ATP6V0D2: variants seen among roughly 807,000 people sequenced by gnomAD.
The protein encoded by ATP6V0D2 is V-type proton ATPase subunit d 2.
ATP6V0D2 carries 40 observed loss-of-function variants against 40.0 expected under a neutral mutation model. The ratio of observed to expected loss-of-function variants is 1.00; its 90% confidence interval spans 0.78 to 1.30. The LOEUF (loss-of-function observed/expected upper bound fraction) is 1.30, where lower values mean the gene tolerates loss of function less well. Ranked by LOEUF, ATP6V0D2 falls within the 50% of genes most tolerant of loss-of-function variation. The pLI is 0.00. For missense variants in ATP6V0D2, 470 were observed against 423.1 expected (o/e 1.11, Z -0.97); for synonymous variants, 179 against 156.3 (o/e 1.15, Z -1.08).
At chr8:86,104,880 T>C (rs1347544132) in intron 1 of ATP6V0D2, among the ~76,000 whole-genome samples, 6 of 71,622 alleles carry the variant, frequency 8.4e-5, no homozygotes, top group East Asian at 9.5e-4. Context: ...CACACACACA[T>C]CAAGAGCTTC....
chr8:86,120,485 G>A (rs1255688690), intron 2 of ATP6V0D2, among the ~76,000 whole-genome samples: 5 of 152,166 alleles, frequency 3.3e-5, no homozygotes, highest in Non-Finnish European at 4.4e-5. Context: ...TCAGGAGGCT[G>A]AGGCAGGAGG....
At chr8:86,102,011 T>C (rs1368078276) in intron 1 of ATP6V0D2, among the ~76,000 whole-genome samples, 1 of 152,232 alleles carries the variant, frequency 6.6e-6, no homozygotes, top group Admixed American at 6.5e-5. Context: ...TGTCCTCTGT[T>C]AGTTGAGGAC....
intron 1 of ATP6V0D2, among the ~76,000 whole-genome samples, chr8:86,109,568 GA>G (rs1490005736): frequency 2.6e-5 from 4 of 152,132 alleles, no homozygotes; most frequent in African/African-American, 9.7e-5. Flanking sequence ...TGAAAGGTTT[GA>G]AAGTTATTTA....
rs138989550 is a variant in ATP6V0D2, at chr8:86,145,797, T to C, written c.639+2843T>C. 1.3e-3 allele frequency among the ~76,000 whole-genome samples: 199 copies of C among 152,334 alleles called. 4 individuals carry two copies. The highest frequency in any genetic ancestry group is 4.6e-3 in the African/African-American group (191 of 41,580). On this transcript the variant is annotated intron_variant, in intron 5 of 7. Coordinates refer to ENST00000285393, the MANE Select transcript of ATP6V0D2 (RefSeq NM_152565.1). ...TTGCTTACTTTATACCCATGAAATATGTGAAATAAAAGTTATATCAAGACT... is the reference window on the plus strand; with the variant it reads ...TTGCTTACTTTATACCCATGAAATACGTGAAATAAAAGTTATATCAAGACT...
intron 5 of ATP6V0D2, among the ~76,000 whole-genome samples, chr8:86,143,692 T>G (rs1819008489): frequency 6.6e-6 from 1 of 152,184 alleles, no homozygotes; most frequent in Admixed American, 6.5e-5. Flanking sequence ...GACCTGTATC[T>G]TGTGCTAACC....
intron 5 of ATP6V0D2, among the ~76,000 whole-genome samples, chr8:86,145,482 T>A (rs1304842944): frequency 6.6e-6 from 1 of 152,136 alleles, no homozygotes; most frequent in Non-Finnish European, 1.5e-5. Context: ...AGTTGTGAAG[T>A]GAAAATCTTA....
chr8:86,148,370 A>C (rs998648209), intron 5 of ATP6V0D2, among the ~76,000 whole-genome samples: 4 of 152,178 alleles, frequency 2.6e-5, no homozygotes, highest in African/African-American at 9.7e-5. Context: ...AGAGCAATCA[A>C]CAGGGTCAGA....
At chr8:86,117,380 T>C (rs1202130004) in intron 2 of ATP6V0D2, among the ~76,000 whole-genome samples, 1 of 152,232 alleles carries the variant, frequency 6.6e-6, no homozygotes, top group Admixed American at 6.5e-5. Flanking sequence ...TTTATTTTCG[T>C]GTAAAGAATT....
intron 2 of ATP6V0D2, among the ~76,000 whole-genome samples, chr8:86,132,804 C>T: frequency 6.6e-6 from 1 of 152,100 alleles, no homozygotes; most frequent in East Asian, 1.9e-4. Flanking sequence ...GCAGGTATCC[C>T]TTTGACATAC....
intron 1 of ATP6V0D2, among the ~76,000 whole-genome samples, chr8:86,103,604 G>A (rs115540448): frequency 1.6e-3 from 236 of 152,060 alleles, no homozygotes; most frequent in African/African-American, 5.0e-3. Flanking sequence ...TCTAGCTAGC[G>A]CCAAGAAAGT....
intron 5 of ATP6V0D2, among the ~76,000 whole-genome samples, chr8:86,145,665 C>T (rs893732134): frequency 6.6e-6 from 1 of 152,114 alleles, no homozygotes; most frequent in African/African-American, 2.4e-5. Context: ...AAGCCCTATC[C>T]TTTCTTTTCA....
chr8:86,145,374 G>GAAGGAAGGAAGGAAGGAAAGA (rs1554589942), intron 5 of ATP6V0D2, among the ~76,000 whole-genome samples: 19 of 79,244 alleles, frequency 2.4e-4, no homozygotes, highest in Middle Eastern at 7.2e-3. Context: ...AGGAAGGAAG[G>GAAGGAAGGAAGGAAGGAAAGA]AAAGAAAAGA....
intron 2 of ATP6V0D2, among the ~76,000 whole-genome samples, chr8:86,128,781 A>G (rs1003959454): frequency 3.3e-5 from 5 of 152,354 alleles, no homozygotes; most frequent in African/African-American, 1.2e-4. Flanking sequence ...TCTTAACACT[A>G]TTGAGTAATA....
At chr8:86,151,359 A>AT (rs371381005) in intron 6 of ATP6V0D2, 107 bp from the exon 7 acceptor site, 428 of 804,292 alleles carry the variant, frequency 5.3e-4, no homozygotes, top group South Asian at 7.0e-4. Context: ...TCCTCCTGGT[A>AT]TTTTTTTTTA....
chr8:86,118,266 GT>G (rs1818623956), intron 2 of ATP6V0D2, among the ~76,000 whole-genome samples: 4 of 148,086 alleles, frequency 2.7e-5, no homozygotes, highest in Admixed American at 2.7e-4. Flanking sequence ...TAGAGATAGG[GT>G]TTCCCCATGT....
intron 2 of ATP6V0D2, among the ~76,000 whole-genome samples, chr8:86,138,418 G>A (rs956193079): frequency 6.6e-6 from 1 of 152,104 alleles, no homozygotes; most frequent in Non-Finnish European, 1.5e-5. Context: ...CACTTAAGCT[G>A]TATTCTTTGT....
At chr8:86,130,231 T>C (rs1818804544) in intron 2 of ATP6V0D2, among the ~76,000 whole-genome samples, 1 of 152,136 alleles carries the variant, frequency 6.6e-6, no homozygotes, top group Non-Finnish European at 1.5e-5. Context: ...CCATTTTCAC[T>C]CTTTCTCCTT....
At chr8:86,133,946 A>G (rs1237836914) in intron 2 of ATP6V0D2, among the ~76,000 whole-genome samples, 2 of 152,208 alleles carry the variant, frequency 1.3e-5, no homozygotes, top group Non-Finnish European at 2.9e-5. Flanking sequence ...GGCAAAAGAC[A>G]CACACCGACT....
At chr8:86,142,778 T>G in intron 4 of ATP6V0D2, 99 bp from the exon 5 acceptor site, 1 of 691,674 alleles carries the variant, frequency 1.4e-6, no homozygotes, top group East Asian at 2.7e-5. Context: ...TAATTCAGAT[T>G]CCATTAAAGC....
Sources: gnomAD v4.1 joint callset for allele counts (sites outside exome capture counted in the v4.1 genomes callset) on GRCh38, gnomAD v4.1.1 for gene constraint, MANE v1.5 for transcripts, NCBI Gene and HGNC (gene_info 2026-07-23, HGNC 2026-07-21) for gene names.